The following CHODL variants were observed in gnomAD, a reference collection of about 807,000 sequenced individuals.
CHODL encodes chondrolectin.
A neutral mutation model predicts 34.5 loss-of-function variants in CHODL; 29 were observed. The observed-to-expected ratio is 0.84, with a 90% CI of 0.63 to 1.15. The LOEUF is 1.15. Ranked by LOEUF, CHODL falls within the 50% of genes most tolerant of loss-of-function variation. The pLI is 0.00. For missense variants in CHODL, 332 were observed against 332.5 expected, an observed-to-expected ratio of 1.00 and a Z score of 0.01; for synonymous variants, 125 against 116.1, an observed-to-expected ratio of 1.08 and a Z score of -0.49.
intron 2 of CHODL, among the ~76,000 whole-genome samples, chr21:18,170,742 A>C (rs1568921248): frequency 6.6e-6 from 1 of 152,180 alleles, no homozygotes; most frequent in Non-Finnish European, 1.5e-5. Context: ...TTATAAATCC[A>C]CCAAAATAGT....
chr21:17,970,062 G>A (rs965352799), intron 1 of CHODL, among the ~76,000 whole-genome samples: 1 of 152,108 alleles, frequency 6.6e-6, no homozygotes, highest in Non-Finnish European at 1.5e-5. Flanking sequence ...ATTGGATCCT[G>A]GGTATTCACT....
intron 2 of CHODL, among the ~76,000 whole-genome samples, chr21:18,152,063 T>TA (rs1332561520): frequency 6.6e-6 from 1 of 151,538 alleles, no homozygotes; most frequent in Non-Finnish European, 1.5e-5. Context: ...CTATCAGTAT[T>TA]AGAGTATAGG....
At chr21:18,071,270 C>T (rs536444979) in intron 2 of CHODL, among the ~76,000 whole-genome samples, 48 of 151,706 alleles carry the variant, frequency 3.2e-4, no homozygotes, top group African/African-American at 2.2e-4. Context: ...CCACAGCCTC[C>T]GGAGTAGCTA....
At chr21:18,258,185 C>T (rs1568961837) in intron 3 of CHODL, among the ~76,000 whole-genome samples, 1 of 151,078 alleles carries the variant, frequency 6.6e-6, no homozygotes, top group African/African-American at 2.4e-5. Context: ...TATTAGCCAC[C>T]TTTTTTTTTA....
chr21:18,242,802 T>A (rs964089624), upstream of CHODL, among the ~76,000 whole-genome samples: 14 of 152,170 alleles, frequency 9.2e-5, no homozygotes, highest in African/African-American at 2.9e-4. Flanking sequence ...ATACAGTTAT[T>A]ATTATAGTTT....
chr21:17,986,036 A>T (rs1325347516), intron 1 of CHODL, among the ~76,000 whole-genome samples: 1 of 152,106 alleles, frequency 6.6e-6, no homozygotes, highest in Non-Finnish European at 1.5e-5. Flanking sequence ...ACCTTCTAAT[A>T]CCATCACATT....
chr21:18,226,523 T>C (rs1336895760), intron 2 of CHODL, among the ~76,000 whole-genome samples: 1 of 152,124 alleles, frequency 6.6e-6, no homozygotes, highest in Non-Finnish European at 1.5e-5. Context: ...GGTCTTGAAC[T>C]TGTGACCTCA....
chr21:18,061,041 A>G (rs1000904681), intron 2 of CHODL, among the ~76,000 whole-genome samples: 1 of 152,212 alleles, frequency 6.6e-6, no homozygotes. Flanking sequence ...AAGTTCTTTC[A>G]GGTACAAAAT....
At chr21:18,021,219 C>T (rs1486301225) in intron 1 of CHODL, among the ~76,000 whole-genome samples, 1 of 152,114 alleles carries the variant, frequency 6.6e-6, no homozygotes, top group Non-Finnish European at 1.5e-5. Context: ...TAGAAGTCAG[C>T]CACAGGAGGA....
intron 2 of CHODL, among the ~76,000 whole-genome samples, chr21:18,036,875 T>G (rs921160637): frequency 1.3e-5 from 2 of 152,000 alleles, no homozygotes; most frequent in African/African-American, 2.4e-5. Flanking sequence ...TTTTACTATT[T>G]ATGGCAGCTT....
At chr21:18,063,271 G>GA (rs1025327329) in intron 2 of CHODL, among the ~76,000 whole-genome samples, 5 of 152,120 alleles carry the variant, frequency 3.3e-5, no homozygotes, top group Admixed American at 2.0e-4. Context: ...AAAGAATACA[G>GA]AAAAAATGGC....
At chr21:18,004,393 C>T (rs2063940487) in intron 1 of CHODL, among the ~76,000 whole-genome samples, 1 of 151,782 alleles carries the variant, frequency 6.6e-6, no homozygotes, top group Non-Finnish European at 1.5e-5. Context: ...TTAAATCTTT[C>T]TCAAGGATTA....
At chr21:18,227,036 C>G (rs1203489132) in intron 2 of CHODL, among the ~76,000 whole-genome samples, 2 of 152,128 alleles carry the variant, frequency 1.3e-5, no homozygotes. Context: ...ACCAAGGCTC[C>G]TGCAGATTTG....
At chr21:18,164,909 C>T (rs2073135140) in intron 2 of CHODL, among the ~76,000 whole-genome samples, 1 of 152,192 alleles carries the variant, frequency 6.6e-6, no homozygotes, top group African/African-American at 2.4e-5. Context: ...TTTCCATGTT[C>T]TCCCTCAAAC....
chr21:18,078,247 C>T (rs1487620491), intron 2 of CHODL, among the ~76,000 whole-genome samples: 1 of 152,116 alleles, frequency 6.6e-6, no homozygotes, highest in East Asian at 1.9e-4. Flanking sequence ...GGCTCACAAT[C>T]ATGGCAAAAG....
At chr21:18,000,292 A>G (rs923309980) in intron 1 of CHODL, among the ~76,000 whole-genome samples, 1 of 152,150 alleles carries the variant, frequency 6.6e-6, no homozygotes, top group Admixed American at 6.5e-5. Flanking sequence ...CTTTCACTAC[A>G]AAGGTGAGAT....
chr21:17,985,245 A>G (rs925632271), intron 1 of CHODL, among the ~76,000 whole-genome samples: 1 of 152,140 alleles, frequency 6.6e-6, no homozygotes, highest in African/African-American at 2.4e-5. Context: ...TTCTCGTCCC[A>G]TAAACTTAGC....
At chr21:18,066,716 G>A (rs923953770) in intron 2 of CHODL, among the ~76,000 whole-genome samples, 15 of 152,098 alleles carry the variant, frequency 9.9e-5, no homozygotes, top group African/African-American at 3.4e-4. Context: ...CTCCGAATGT[G>A]ACTTTATTTA....
At chr21:18,009,749 G>A (rs567294587) in intron 1 of CHODL, among the ~76,000 whole-genome samples, 8 of 151,640 alleles carry the variant, frequency 5.3e-5, no homozygotes, top group East Asian at 3.9e-4. Context: ...TTAGCCGGGC[G>A]TGGTGGTAGG....
Sources: gnomAD v4.1 joint callset for allele counts (sites outside exome capture counted in the v4.1 genomes callset) on GRCh38, gnomAD v4.1.1 for gene constraint, MANE v1.5 for transcripts, NCBI Gene and HGNC (gene_info 2026-07-23, HGNC 2026-07-21) for gene names.